CAMK4: variants seen among roughly 807,000 people sequenced by gnomAD.
CAMK4 encodes calcium/calmodulin-dependent protein kinase type IV.
Under a neutral mutation model 44.9 loss-of-function variants are expected in CAMK4, and 22 were observed. That is an observed-to-expected ratio of 0.49 (90% CI 0.35 to 0.70). CAMK4 has a LOEUF of 0.70. CAMK4 is among the 30% of genes least tolerant of loss of function. CAMK4 has a pLI of 0.01. For synonymous variants in CAMK4, 218 were observed against 215.4 expected (o/e 1.01, Z -0.11); for missense variants, 498 against 586.8 (o/e 0.85, Z 1.56).
chr5:111,465,133 C>A (rs528906181), intron 7 of CAMK4, among the ~76,000 whole-genome samples: 1 of 152,020 alleles, frequency 6.6e-6, no homozygotes, highest in Non-Finnish European at 1.5e-5. Flanking sequence ...AATAATAAAT[C>A]TTCCTTTTCT....
chr5:111,318,308 C>T (rs1748519537), intron 1 of CAMK4, among the ~76,000 whole-genome samples: 1 of 151,956 alleles, frequency 6.6e-6, no homozygotes, highest in Non-Finnish European at 1.5e-5. Context: ...CTGTGTAGTA[C>T]CCCTGTGCCT....
rs371183512 is a variant in CAMK4 at position 111,397,207 on chromosome 5, A to ATG, written c.459+2430_459+2431dup. ...AGACAGAGCTAGGTTTGGTTTTTAG[A>ATG]TGTGTGAACTTGGACATGTCACTAA... On this transcript the variant is annotated intron_variant, in intron 5 of 10. Coordinates refer to ENST00000282356, the MANE Select transcript of CAMK4 (RefSeq NM_001744.6). Among the ~76,000 whole-genome samples, 139 of 152,326 alleles carry ATG rather than the reference A, an allele frequency of 9.1e-4. No individual in the cohort carries two copies. The Middle Eastern group carries it at 0.014, about 15-fold the overall frequency.
intron 1 of CAMK4, among the ~76,000 whole-genome samples, chr5:111,253,090 TTAAA>T (rs1749589212): frequency 6.6e-6 from 1 of 152,256 alleles, no homozygotes; most frequent in South Asian, 2.1e-4. Context: ...CTTCCGCTGA[TTAAA>T]TAACTGGAGC....
At chr5:111,474,959 C>T (rs1482643619) in intron 8 of CAMK4, among the ~76,000 whole-genome samples, 1 of 152,118 alleles carries the variant, frequency 6.6e-6, no homozygotes, top group Non-Finnish European at 1.5e-5. Context: ...GTCAGGAGAT[C>T]GAGACCATCC....
intron 5 of CAMK4, among the ~76,000 whole-genome samples, chr5:111,437,146 T>C (rs1334879447): frequency 6.6e-6 from 1 of 152,208 alleles, no homozygotes; most frequent in East Asian, 1.9e-4. Context: ...CCAAGAATAG[T>C]ATATGTTTAA....
At chr5:111,312,892 G>A (rs915460818) in intron 1 of CAMK4, among the ~76,000 whole-genome samples, 3 of 152,066 alleles carry the variant, frequency 2.0e-5, no homozygotes, top group Non-Finnish European at 4.4e-5. Flanking sequence ...TTTTAATGCG[G>A]CCCTCCTTTT....
Position 111,484,293 on chromosome 5 carries a change from G to A in CAMK4, c.1249G>A (p.Val417Met), listed in dbSNP as rs1419019755. 1 of 1,614,106 alleles carries A rather than the reference G, an allele frequency of 6.2e-7. No individual in the cohort carries two copies. The highest frequency in any genetic ancestry group is 1.1e-5 in the South Asian group (1 of 91,086). Residue 417 changes from valine (V) to methionine (M), a missense_variant, in exon 11 of 11, where the codon GTG becomes ATG. By Grantham distance (21) the Val-to-Met change is conservative. Transcript: ENST00000282356. The surrounding 1 kb of genome is among the most constrained non-coding windows in gnomAD (Gnocchi z 5.3). ...DINAEEAPKM[V>M]PKAVEDGIKV... is the part of the protein sequence containing the mutation. ...AAATGCTGAAGAGGCCCCCAAAATG[G>A]TGCCCAAGGCAGTGGAGGATGGGAT...
At chr5:111,256,640 A>G (rs997844345) in intron 1 of CAMK4, among the ~76,000 whole-genome samples, 8 of 152,198 alleles carry the variant, frequency 5.3e-5, no homozygotes, top group Admixed American at 4.6e-4. Context: ...CAATATCGGT[A>G]ATAAATGCAG....
intron 1 of CAMK4, among the ~76,000 whole-genome samples, chr5:111,341,198 TAAGTG>T (rs1749628763): frequency 6.6e-6 from 1 of 151,338 alleles, no homozygotes; most frequent in Non-Finnish European, 1.5e-5. Context: ...CAGACATTCT[TAAGTG>T]AAGTTCAGTT....
intron 5 of CAMK4, among the ~76,000 whole-genome samples, chr5:111,442,568 G>A (rs1259776102): frequency 2.7e-5 from 4 of 148,520 alleles, no homozygotes; most frequent in Non-Finnish European, 6.0e-5. Context: ...ACATACAGTG[G>A]AATTTTCCAG....
intron 2 of CAMK4, among the ~76,000 whole-genome samples, chr5:111,363,333 CA>C (rs1266821186): frequency 6.6e-6 from 1 of 151,952 alleles, no homozygotes; most frequent in African/African-American, 2.4e-5. Flanking sequence ...AATGTTAAAC[CA>C]GAATTTTTTT....
chr5:111,420,586 C>T (rs371451666), intron 5 of CAMK4, among the ~76,000 whole-genome samples: 105 of 152,138 alleles, frequency 6.9e-4, no homozygotes, highest in East Asian at 2.9e-3. Context: ...AGCCTGGGAG[C>T]GCTATGGGAG....
intron 2 of CAMK4, 91 bp downstream of exon 2, chr5:111,344,193 G>A: frequency 1.4e-6 from 1 of 725,652 alleles, no homozygotes; most frequent in Non-Finnish European, 2.4e-6. Flanking sequence ...GGGCCAGAGA[G>A]CTGCTGTGTG....
rs1755526505 is a variant in CAMK4 at position 111,484,105 on chromosome 5, A to G, written c.1061A>G (p.Lys354Arg). ...SSHGSIQESH[K>R]ASRDPSPIQD... is the part of the protein sequence containing the mutation. ...CATGGCAGCATCCAGGAGAGCCACA[A>G]GGCTAGCCGAGACCCTTCTCCAATC... The change falls in exon 11 of 11, where the codon AAG (lysine) becomes AGG (arginine). Residue 354 changes from lysine to arginine, a missense_variant. Coordinates refer to ENST00000282356, the MANE Select transcript of CAMK4 (RefSeq NM_001744.6). The surrounding 1 kb of genome is among the most constrained non-coding windows in gnomAD (Gnocchi z 5.3). 2.5e-6 allele frequency: 4 copies of G among 1,613,908 alleles called. No individual in the cohort carries two copies. The East Asian group carries it at 6.7e-5, about 27-fold the overall frequency.
intron 1 of CAMK4, among the ~76,000 whole-genome samples, chr5:111,331,197 A>C (rs1295969623): frequency 6.6e-6 from 1 of 151,698 alleles, no homozygotes; most frequent in Non-Finnish European, 1.5e-5. Flanking sequence ...GAGAATACAC[A>C]TATATAACAA....
chr5:111,234,563 A>G (rs1345557798), intron 1 of CAMK4, among the ~76,000 whole-genome samples: 1 of 152,240 alleles, frequency 6.6e-6, no homozygotes, highest in Non-Finnish European at 1.5e-5. Context: ...AATTTTGCCA[A>G]CTGCTGGCTT....
intron 1 of CAMK4, among the ~76,000 whole-genome samples, chr5:111,318,573 T>G (rs1748531186): frequency 6.6e-6 from 1 of 152,170 alleles, no homozygotes; most frequent in Non-Finnish European, 1.5e-5. Flanking sequence ...TACCAAGCTC[T>G]GATACCAGTC....
intron 1 of CAMK4, among the ~76,000 whole-genome samples, chr5:111,278,522 A>T (rs991329500): frequency 8.5e-5 from 13 of 152,256 alleles, no homozygotes; most frequent in African/African-American, 2.9e-4. Flanking sequence ...TGTTAGGTTC[A>T]TGTGAATAAA....
At chr5:111,381,608 C>T (rs1055634062) in intron 4 of CAMK4, among the ~76,000 whole-genome samples, 21 of 152,154 alleles carry the variant, frequency 1.4e-4, no homozygotes, top group African/African-American at 4.6e-4. Flanking sequence ...CCCAGTTCAT[C>T]GTTAATCTCC....
Sources: gnomAD v4.1 joint callset for allele counts (sites outside exome capture counted in the v4.1 genomes callset) on GRCh38, gnomAD v4.1.1 for gene constraint, Gnocchi (gnomAD v3.1) non-coding constraint, MANE v1.5 for transcripts, NCBI Gene and HGNC (gene_info 2026-07-23, HGNC 2026-07-21) for gene names.